Variants in LHPP observed in about 807,000 individuals in gnomAD.
The protein encoded by LHPP is hLHPP.
A neutral mutation model predicts 30.3 loss-of-function variants in LHPP; 24 were observed. The ratio of observed to expected loss-of-function variants is 0.79; its 90% CI spans 0.57 to 1.11. The LOEUF (loss-of-function observed/expected upper bound fraction) is 1.11. Ranked by LOEUF, LHPP falls within the 50% of genes most tolerant of loss-of-function variation. LHPP has a pLI of 0.00. For missense variants in LHPP, 356 were observed against 367.2 expected, an observed-to-expected ratio of 0.97 and a Z score of 0.25; for synonymous variants, 150 against 157.1, an observed-to-expected ratio of 0.95 and a Z score of 0.34.
intron 5 of LHPP, among the ~76,000 whole-genome samples, chr10:124,506,268 C>T (rs899397120): frequency 8.1e-6 from 1 of 123,086 alleles, no homozygotes; most frequent in Admixed American, 8.6e-5. Flanking sequence ...AACAAACCCC[C>T]CCCCCACCCC....
intron 6 of LHPP, among the ~76,000 whole-genome samples, chr10:124,548,736 C>T (rs932743650): frequency 1.6e-4 from 25 of 152,280 alleles, no homozygotes; most frequent in African/African-American, 5.3e-4. Flanking sequence ...GGTGGATCTT[C>T]GAGAATGGAG....
intron 3 of LHPP, among the ~76,000 whole-genome samples, 186 bp downstream of exon 3, chr10:124,488,761 T>C (rs1953419387): frequency 6.6e-6 from 1 of 152,150 alleles, no homozygotes; most frequent in South Asian, 2.1e-4. Flanking sequence ...TAATCATTTC[T>C]TTAGGAAATA....
chr10:124,471,390 ATATATATATAATATATATATTTATATAT>A (rs1952728115), intron 1 of LHPP, among the ~76,000 whole-genome samples: 1 of 92,360 alleles, frequency 1.1e-5, no homozygotes, highest in African/African-American at 4.0e-5. Context: ...CTCCAAAATT[ATATATATATAATATATATATTTATATAT>A]TATATATATA....
chr10:124,549,484 G>T (rs759589961), intron 6 of LHPP, among the ~76,000 whole-genome samples: 1 of 152,012 alleles, frequency 6.6e-6, no homozygotes, highest in East Asian at 1.9e-4. Flanking sequence ...AGCTAAACTG[G>T]GATATTTAAG....
At chr10:124,533,752 G>A (rs1031624921) in intron 6 of LHPP, among the ~76,000 whole-genome samples, 1 of 152,332 alleles carries the variant, frequency 6.6e-6, no homozygotes, top group African/African-American at 2.4e-5. Context: ...CGTGTGCTCC[G>A]CAGTGTGCAG....
chr10:124,609,894 CT>C lies in LHPP; in HGVS notation c.717-3369del, dbSNP rs367698170. ...CGTGGTCTGTTTTCCCATCCTCCCC[CT>C]GGCGGGCATTTGTCCAGTGTTTGAC... On this transcript the variant is annotated intron_variant, in intron 6 of 6. Coordinates refer to ENST00000368842, the MANE Select transcript of LHPP (RefSeq NM_022126.4). Among the ~76,000 whole-genome samples the C allele has an allele frequency of 3.2e-3, 485 of 152,376 alleles. 1 individual carries two copies. Among genetic ancestry groups the C allele is most frequent in the Middle Eastern group, 0.01 (3 of 294 alleles).
At chr10:124,589,019 G>T (rs1470902436) in intron 6 of LHPP, among the ~76,000 whole-genome samples, 3 of 152,208 alleles carry the variant, frequency 2.0e-5, no homozygotes, top group Non-Finnish European at 4.4e-5. Flanking sequence ...CCCCAGCAGC[G>T]CGGCTGTGAG....
chr10:124,506,279 G>T (rs540286099), intron 5 of LHPP, among the ~76,000 whole-genome samples: 1 of 54,418 alleles, frequency 1.8e-5, no homozygotes, highest in East Asian at 4.9e-4. Flanking sequence ...CCCCCACCCC[G>T]CGGTTTCTCA....
rs991156968 is a variant in LHPP, at chr10:124,577,315, G to T, written c.717-35949G>T. Among the ~76,000 whole-genome samples the T allele has an allele frequency of 1.1e-4, 16 of 152,312 alleles. No homozygotes were observed. In the East Asian group the frequency reaches 2.9e-3, roughly 28 times the overall value. ...CCACCCCAGCCTCCTGGGCACAGGG[G>T]TCACCTCCCACCCCTGGCCCACCCA... is the stretch of plus-strand genomic sequence containing the variant. On this transcript the variant is annotated intron_variant, in intron 6 of 6. Coordinates refer to ENST00000368842, the MANE Select transcript of LHPP (RefSeq NM_022126.4).
chr10:124,564,424 A>G (rs994133518), intron 6 of LHPP, among the ~76,000 whole-genome samples: 1 of 146,244 alleles, frequency 6.8e-6, no homozygotes, highest in Non-Finnish European at 1.5e-5. Context: ...CGCCCGGCCA[A>G]TTTTTTTTTT....
At chr10:124,598,839 A>G (rs1160796303) in intron 6 of LHPP, among the ~76,000 whole-genome samples, 1 of 147,680 alleles carries the variant, frequency 6.8e-6, no homozygotes, top group African/African-American at 2.5e-5. Flanking sequence ...ATCTCTGTCC[A>G]TCCATCTGTC....
rs369783559 is a variant in LHPP, at chr10:124,586,986, G to T, written c.717-26278G>T. Among the ~76,000 whole-genome samples the T allele has an allele frequency of 1.8e-4, 27 of 150,514 alleles. No individual in the cohort carries two copies. In the South Asian group the frequency reaches 5.5e-3, roughly 31 times the overall value. On this transcript the variant is annotated intron_variant, in intron 6 of 6. Coordinates refer to ENST00000368842, the MANE Select transcript of LHPP (RefSeq NM_022126.4). ...TAAAGGTAACAAACAACCCCTTCTG[G>T]CTGGTGTGGGGGAAGCCCTAATTTG...
intron 6 of LHPP, among the ~76,000 whole-genome samples, chr10:124,546,803 G>T (rs6597839): frequency 0.78 from 118,397 of 152,042 alleles, 46,177 homozygotes; most frequent in South Asian, 0.84. Flanking sequence ...TGCATGCTTC[G>T]GTTGCTGTTT....
intron 6 of LHPP, among the ~76,000 whole-genome samples, chr10:124,582,737 G>T (rs1312355054): frequency 6.6e-6 from 1 of 152,082 alleles, no homozygotes; most frequent in Non-Finnish European, 1.5e-5. Flanking sequence ...GGGTGTGGTG[G>T]CTCACACCTG....
intron 6 of LHPP, among the ~76,000 whole-genome samples, chr10:124,526,899 C>G (rs1346252151): frequency 6.6e-6 from 1 of 152,240 alleles, no homozygotes; most frequent in African/African-American, 2.4e-5. Context: ...GGCCAGGCCG[C>G]AGCAAGCAGG....
At chr10:124,464,032 C>T (rs918493187) in intron 1 of LHPP, among the ~76,000 whole-genome samples, 6 of 151,842 alleles carry the variant, frequency 4.0e-5, no homozygotes, top group East Asian at 1.9e-4. Context: ...TTGCCCAGGC[C>T]GGTCTTGAAC....
chr10:124,570,900 G>A (rs1451632080), intron 6 of LHPP, among the ~76,000 whole-genome samples: 1 of 152,174 alleles, frequency 6.6e-6, no homozygotes, highest in African/African-American at 2.4e-5. Flanking sequence ...TTCCTGATAT[G>A]GTTTGGCTGC....
chr10:124,465,439 A>T (rs968082848), intron 1 of LHPP, among the ~76,000 whole-genome samples: 17 of 152,240 alleles, frequency 1.1e-4, no homozygotes, highest in African/African-American at 4.1e-4. Flanking sequence ...TGAGACATAC[A>T]AGTCAAATGA....
intron 6 of LHPP, among the ~76,000 whole-genome samples, chr10:124,565,278 T>G (rs1198388334): frequency 2.0e-5 from 3 of 152,078 alleles, no homozygotes; most frequent in African/African-American, 7.2e-5. Flanking sequence ...TGTTTGTTGT[T>G]TGTTGCTTGC....
Sources: gnomAD v4.1 joint callset for allele counts (sites outside exome capture counted in the v4.1 genomes callset) on GRCh38, gnomAD v4.1.1 for gene constraint, MANE v1.5 for transcripts, NCBI Gene and HGNC (gene_info 2026-07-23, HGNC 2026-07-21) for gene names.